SORCS1: variants seen among roughly 807,000 people sequenced by gnomAD.
SORCS1 encodes sortilin related VPS10 domain containing receptor 1.
A neutral mutation model predicts 146.1 loss-of-function variants in SORCS1; 60 were observed. That is an observed-to-expected ratio of 0.41 (90% CI 0.33 to 0.51). The LOEUF is 0.51. SORCS1 is among the 20% of genes least tolerant of loss of function. The pLI is 0.21. For synonymous variants in SORCS1, 637 were observed against 584.0 expected, an observed-to-expected ratio of 1.09 and a Z score of -1.31; for missense variants, 1,352 against 1,487.6, an observed-to-expected ratio of 0.91 and a Z score of 1.50.
intron 1 of SORCS1, among the ~76,000 whole-genome samples, chr10:107,046,062 T>C (rs1430673039): frequency 1.3e-5 from 2 of 152,188 alleles, no homozygotes; most frequent in South Asian, 2.1e-4. Context: ...TCCTCCTGCC[T>C]CAGCCTCCTG....
In SORCS1 at chr10:106,916,044, A is replaced by C. The variant is rs58941607; in HGVS notation, c.626+40469T>G. ...TACTTCACCTGGTCAATGTCTACAC[A>C]CCTCTTGCTCATCACTTTACTGAAA... On this transcript the variant is annotated intron_variant, in intron 2 of 25. Coordinates refer to ENST00000263054, the MANE Select transcript of SORCS1 (RefSeq NM_052918.5). 9.3e-3 allele frequency among the ~76,000 whole-genome samples: 1,418 copies of C among 152,082 alleles called. 11 individuals are homozygous for C. The highest frequency in any genetic ancestry group is 0.016 in the Non-Finnish European group (1,076 of 67,984).
Position 106,770,661 on chromosome 10 carries a change from A to C in SORCS1, c.885+5873T>G, listed in dbSNP as rs558975532. 5.3e-5 allele frequency among the ~76,000 whole-genome samples: 8 copies of C among 152,332 alleles called. 1 individual carries two copies. The highest frequency in any genetic ancestry group is 1.9e-4 in the African/African-American group (8 of 41,570). ...GGTCATTGTTACACACATAAAAATAAGAAAACTTCACATTGAAAACAAAGC... is the reference window on the plus strand; with the variant it reads ...GGTCATTGTTACACACATAAAAATACGAAAACTTCACATTGAAAACAAAGC... On this transcript the variant is annotated intron_variant, in intron 4 of 25. Coordinates refer to ENST00000263054, the MANE Select transcript of SORCS1 (RefSeq NM_052918.5).
intron 2 of SORCS1, among the ~76,000 whole-genome samples, chr10:106,890,994 C>A (rs1014682921): frequency 7.9e-5 from 12 of 152,056 alleles, no homozygotes; most frequent in Non-Finnish European, 1.8e-4. Flanking sequence ...AAGGATAATT[C>A]CTCTAGTAGT....
At chr10:106,909,553 C>T (rs1952051662) in intron 2 of SORCS1, among the ~76,000 whole-genome samples, 2 of 152,170 alleles carry the variant, frequency 1.3e-5, no homozygotes, top group African/African-American at 4.8e-5. Flanking sequence ...TGCAAAACAG[C>T]ATATGGGCAT....
intron 1 of SORCS1, among the ~76,000 whole-genome samples, chr10:107,090,757 A>C (rs148255054): frequency 6.6e-6 from 1 of 152,190 alleles, no homozygotes; most frequent in African/African-American, 2.4e-5. Context: ...CAAAGCCCTT[A>C]TTTTGATAAG....
intron 1 of SORCS1, among the ~76,000 whole-genome samples, chr10:107,027,783 A>T (rs891838002): frequency 6.6e-6 from 1 of 152,100 alleles, no homozygotes; most frequent in Admixed American, 6.5e-5. Flanking sequence ...GACTCCAAAC[A>T]CAAACCATTA....
intron 1 of SORCS1, among the ~76,000 whole-genome samples, chr10:107,029,195 C>T (rs1019797790): frequency 6.6e-6 from 1 of 152,166 alleles, no homozygotes; most frequent in Admixed American, 6.5e-5. Context: ...CCTAGACAAA[C>T]CTGACTTTAT....
rs778167245 is a variant in SORCS1 at position 106,675,174 on chromosome 10, A to T, written c.1833-18T>A. ...AACTCAACCTAATGATATAAAAAAT[A>T]TCAGTCATCAGATCTCCAAAGGAAA... On this transcript the variant is annotated intron_variant, in intron 13 of 25. Coordinates refer to ENST00000263054, the MANE Select transcript of SORCS1 (RefSeq NM_052918.5). The T allele has an allele frequency of 6.4e-7, 1 of 1,565,446 alleles. No individual in the cohort carries two copies. The highest frequency in any genetic ancestry group is 8.8e-7 in the Non-Finnish European group (1 of 1,136,864).
chr10:106,965,097 T>C (rs1462749128), intron 1 of SORCS1, among the ~76,000 whole-genome samples: 1 of 152,014 alleles, frequency 6.6e-6, no homozygotes, highest in African/African-American at 2.4e-5. Context: ...ACCTAAGCAA[T>C]GTCCACGTGT....
chr10:106,929,339 A>C (rs1315294021), intron 2 of SORCS1, among the ~76,000 whole-genome samples: 1 of 152,202 alleles, frequency 6.6e-6, no homozygotes, highest in Admixed American at 6.5e-5. Flanking sequence ...GAAAAATTCA[A>C]GTCACAAAAG....
intron 1 of SORCS1, among the ~76,000 whole-genome samples, chr10:107,074,099 C>T (rs181090175): frequency 6.6e-6 from 1 of 152,160 alleles, no homozygotes; most frequent in African/African-American, 2.4e-5. Context: ...CTTGTCCATT[C>T]TATGCATTTG....
intron 1 of SORCS1, among the ~76,000 whole-genome samples, chr10:107,099,569 T>C (rs2134368862): frequency 6.6e-6 from 1 of 152,306 alleles, no homozygotes; most frequent in East Asian, 1.9e-4. Flanking sequence ...AATAGTCTAT[T>C]AATAGTCTCA....
chr10:106,924,114 C>T (rs998574094), intron 2 of SORCS1, among the ~76,000 whole-genome samples: 17 of 151,976 alleles, frequency 1.1e-4, no homozygotes, highest in Non-Finnish European at 1.8e-4. Context: ...ATTAGTCGGG[C>T]GTGGAGGCAC....
Position 106,772,098 on chromosome 10 carries a change from C to T in SORCS1, c.885+4436G>A, listed in dbSNP as rs534557713. Among the ~76,000 whole-genome samples the T allele has an allele frequency of 1.1e-4, 17 of 152,274 alleles. No individual in the cohort carries two copies. In the South Asian group the frequency reaches 3.1e-3, roughly 28 times the overall value. On this transcript the variant is annotated intron_variant, in intron 4 of 25. Coordinates refer to ENST00000263054, the MANE Select transcript of SORCS1 (RefSeq NM_052918.5). ...TATCTGTAAGGGTTTTTTTAGAAGA[C>T]ATTAGTGCCTAAATCAGTAGGCTGA...
the SORCS1 span, among the ~76,000 whole-genome samples, chr10:107,171,078 T>G: frequency 7.9e-5 from 12 of 152,242 alleles, no homozygotes; most frequent in African/African-American, 2.9e-4. Context: ...TCAATACATG[T>G]TAGCTGTTAA....
chr10:106,849,734 T>C (rs1411110447), intron 2 of SORCS1, among the ~76,000 whole-genome samples: 1 of 151,438 alleles, frequency 6.6e-6, no homozygotes, highest in Non-Finnish European at 1.5e-5. Context: ...CTTTTGGTCT[T>C]TGATGATGGT....
At chr10:107,047,714 T>C (rs985716994) in intron 1 of SORCS1, among the ~76,000 whole-genome samples, 5 of 152,136 alleles carry the variant, frequency 3.3e-5, no homozygotes, top group Admixed American at 6.5e-5. Flanking sequence ...ATTTTCCCAA[T>C]GTTATGTCCC....
At chr10:106,855,481 T>C (rs1345709150) in intron 2 of SORCS1, among the ~76,000 whole-genome samples, 2 of 152,176 alleles carry the variant, frequency 1.3e-5, no homozygotes, top group African/African-American at 4.8e-5. Flanking sequence ...ACATTGCTTG[T>C]TTCTTTCTCT....
chr10:106,705,015 C>T (rs1854417395), intron 8 of SORCS1, among the ~76,000 whole-genome samples: 1 of 152,056 alleles, frequency 6.6e-6, no homozygotes. Flanking sequence ...ATTTGAACAA[C>T]ACTCAGTTTT....
Sources: allele counts gnomAD v4.1 joint callset (sites outside exome capture counted in the v4.1 genomes callset), GRCh38; gene constraint gnomAD v4.1.1; transcripts MANE v1.5; gene names NCBI Gene and HGNC (gene_info 2026-07-23, HGNC 2026-07-21).